OIP5: variants seen among roughly 807,000 people sequenced by gnomAD.
OIP5 encodes protein Mis18-beta.
OIP5 carries 24 observed loss-of-function variants against 20.3 expected under a neutral mutation model. The ratio of observed to expected loss-of-function variants is 1.18; its 90% CI spans 0.86 to 1.66. The LOEUF is 1.66. Among genes scored for constraint, OIP5 ranks in the 40% most tolerant of loss-of-function variants. The probability of loss-of-function intolerance (pLI) is 0.00; values close to 1 mark genes in which losing one functional copy is unlikely to be tolerated. For missense variants in OIP5, 339 were observed against 289.5 expected (o/e 1.17, Z -1.24); for synonymous variants, 143 against 121.3 (o/e 1.18, Z -1.17).
Position 41,332,340 on chromosome 15 carries a change from C to G in OIP5, c.222G>C (p.Arg74Ser), listed in dbSNP as rs1327947684. 3 of 1,612,234 alleles carry G rather than the reference C, an allele frequency of 1.9e-6. No homozygotes were observed. The highest frequency in any genetic ancestry group is 2.5e-6 in the Non-Finnish European group (3 of 1,179,080). ...ACTGTGCGCACTGGAACACAGCGCACCTCTCAGGCTGCAGCCAAGACGGCA... is the reference window on the plus strand; with the variant it reads ...ACTGTGCGCACTGGAACACAGCGCAGCTCTCAGGCTGCAGCCAAGACGGCA... Reference protein sequence around the residue: ...PQLPSWLQPERCAVFQCAQCH... With the variant: ...PQLPSWLQPESCAVFQCAQCH... Residue 74 changes from arginine to serine, a missense_variant, in exon 1 of 5, where the codon AGG becomes AGC. Physicochemically the swap from Arg to Ser is moderately radical, Grantham distance 110. Coordinates refer to ENST00000220514, the MANE Select transcript of OIP5 (RefSeq NM_007280.2).
In OIP5 at chr15:41,311,980, G is replaced by A. The variant is rs1461203619; in HGVS notation, c.594+1293C>T. Among the ~76,000 whole-genome samples, 3 of 139,780 alleles carry A rather than the reference G, an allele frequency of 2.1e-5. 1 individual carries two copies. Among genetic ancestry groups the A allele is most frequent in the Admixed American group, 7.3e-5 (1 of 13,768 alleles). The allele number at this position is 139,780 out of a possible 152,430, so 91.7% of individuals were successfully genotyped here. A position where few individuals can be genotyped will look rare whatever the true frequency, so the allele number is the denominator to read the frequency against. On this transcript the variant is annotated intron_variant, in intron 4 of 4. Transcript: ENST00000220514. ...AGCGATTCTCCTGCCTCAGCCTCCCGAAAAGCTGGGATTATAGGCATGCGC... is the reference window on the plus strand; with the variant it reads ...AGCGATTCTCCTGCCTCAGCCTCCCAAAAAGCTGGGATTATAGGCATGCGC...
intron 2 of OIP5, among the ~76,000 whole-genome samples, chr15:41,324,261 C>T (rs918717194): frequency 1.2e-4 from 19 of 152,136 alleles, no homozygotes; most frequent in African/African-American, 4.1e-4. Flanking sequence ...TCCCAAAGTG[C>T]TGGGATTACA....
At chr15:41,328,596 C>T (rs1035723751) in intron 2 of OIP5, among the ~76,000 whole-genome samples, 1 of 152,102 alleles carries the variant, frequency 6.6e-6, no homozygotes, top group Admixed American at 6.5e-5. Flanking sequence ...AGTAAGAGAA[C>T]AATAAAATGT....
chr15:41,319,931 A>T, intron 2 of OIP5, 151 bp from the exon 3 acceptor site: 1 of 631,690 alleles, frequency 1.6e-6, no homozygotes, highest in Non-Finnish European at 2.6e-6. Context: ...ACATTCAAGA[A>T]AGGGTAACTC....
chr15:41,326,161 C>G (rs2047860657), intron 2 of OIP5, among the ~76,000 whole-genome samples: 2 of 151,820 alleles, frequency 1.3e-5, no homozygotes, highest in South Asian at 4.1e-4. Context: ...GACTCCATCT[C>G]AAAAAAACAA....
intron 2 of OIP5, among the ~76,000 whole-genome samples, chr15:41,324,708 T>TG (rs1323958981): frequency 6.6e-6 from 1 of 152,086 alleles, no homozygotes; most frequent in Non-Finnish European, 1.5e-5. Context: ...AGGCTGGTCT[T>TG]GAATTCCTGA....
rs371343522 is a variant in OIP5 at position 41,332,379 on chromosome 15, G to T, written c.183C>A (p.Ala61=). The T allele has an allele frequency of 2.5e-6, 4 of 1,612,662 alleles. No homozygotes were observed. The highest frequency in any genetic ancestry group is 3.4e-6 in the Non-Finnish European group (4 of 1,179,292). ...GCCAAGACGGCAGCTGCGGGCCGGC[G>T]GCTGGCTCCTCAGCCCCCAGCCCTG... ...GPAGLGAEEP[A]AGPQLPSWLQ... The change falls in exon 1 of 5, where the codon GCC becomes GCA. Residue 61 remains alanine (A), a synonymous_variant. Coordinates refer to ENST00000220514, the MANE Select transcript of OIP5 (RefSeq NM_007280.2).
chr15:41,325,451 T>C (rs982741978), intron 2 of OIP5, among the ~76,000 whole-genome samples: 1 of 151,444 alleles, frequency 6.6e-6, no homozygotes, highest in South Asian at 2.1e-4. Flanking sequence ...ATTACCAACA[T>C]GTGACACAGA....
At chr15:41,319,331 C>T (rs936655206) in intron 3 of OIP5, among the ~76,000 whole-genome samples, 5 of 151,890 alleles carry the variant, frequency 3.3e-5, no homozygotes, top group Non-Finnish European at 5.9e-5. Context: ...TCTCAGCTCA[C>T]TGCAGCCTCT....
rs1367184450 is a variant in OIP5, at chr15:41,329,053, G to A, written c.389+2862C>T. Among the ~76,000 whole-genome samples the A allele has an allele frequency of 1.3e-3, 126 of 98,070 alleles. 1 individual carries two copies. Among genetic ancestry groups the A allele is most frequent in the African/African-American group, 5.1e-3 (125 of 24,490 alleles). 64.3% of individuals were successfully genotyped at this position (98,070 alleles called of 152,430 possible). On this transcript the variant is annotated intron_variant, in intron 2 of 4. Coordinates refer to ENST00000220514, the MANE Select transcript of OIP5 (RefSeq NM_007280.2). The stretch of plus-strand genomic sequence containing the variant: ...TGTGCTCCAGCCTGGGTCAGAGCAA[G>A]ACTCCATCTCAAAAAAAAAAAAAAA...
chr15:41,330,409 ATTTTTT>A (rs766498868), intron 2 of OIP5, among the ~76,000 whole-genome samples: 1 of 128,668 alleles, frequency 7.8e-6, no homozygotes. Flanking sequence ...CGTAATCAGT[ATTTTTT>A]TTTTTTTTTT....
chr15:41,314,490 A>G (rs2047777884), intron 3 of OIP5, among the ~76,000 whole-genome samples: 1 of 151,994 alleles, frequency 6.6e-6, no homozygotes, highest in Non-Finnish European at 1.5e-5. Context: ...ATCATGTGAC[A>G]TAGTTCTGGC....
chr15:41,326,194 C>T (rs1304574505), intron 2 of OIP5, among the ~76,000 whole-genome samples: 1 of 152,054 alleles, frequency 6.6e-6, no homozygotes, highest in South Asian at 2.1e-4. Context: ...GCAGTATCTG[C>T]AAGTGCAGTA....
chr15:41,316,752 T>C (rs932057745), intron 3 of OIP5, among the ~76,000 whole-genome samples: 1 of 128,962 alleles, frequency 7.8e-6, no homozygotes, highest in Non-Finnish European at 1.5e-5. Flanking sequence ...ATCACGTCAC[T>C]GCACTCCAGC....
intron 2 of OIP5, among the ~76,000 whole-genome samples, chr15:41,328,998 G>A (rs879235589): frequency 3.6e-4 from 53 of 147,814 alleles, no homozygotes; most frequent in African/African-American, 1.2e-3. Context: ...CCCGGGAGGC[G>A]GAGGTTGCAG....
At chr15:41,328,766 G>C (rs1452840063) in intron 2 of OIP5, among the ~76,000 whole-genome samples, 1 of 152,026 alleles carries the variant, frequency 6.6e-6, no homozygotes, top group Non-Finnish European at 1.5e-5. Context: ...GCCTCATTAA[G>C]AGTAAAGTTA....
At chr15:41,323,984 GCTTT>G in intron 2 of OIP5, among the ~76,000 whole-genome samples, 1 of 112,626 alleles carries the variant, frequency 8.9e-6, no homozygotes, top group South Asian at 2.7e-4. Context: ...ACCAACCTCT[GCTTT>G]TTTTTTTTTT....
intron 2 of OIP5, among the ~76,000 whole-genome samples, chr15:41,330,549 G>A (rs1054115081): frequency 1.4e-4 from 21 of 151,146 alleles, no homozygotes; most frequent in Admixed American, 3.3e-4. Context: ...GACTACAGGC[G>A]CCCGCCACTA....
At position 41,332,272 on chromosome 15, in the gene OIP5, A is replaced by C. The variant is rs746889190; in HGVS notation, c.290T>G (p.Leu97Arg). Residue 97 changes from leucine to arginine, a missense_variant, in exon 1 of 5, where the codon CTG becomes CGG. Physicochemically the swap from Leu to Arg is moderately radical, Grantham distance 102. Transcript: ENST00000220514. Reference protein sequence around the residue: ...LADSVHLAWDLSRSLGAVVFS... With the variant: ...LADSVHLAWDRSRSLGAVVFS... ...GACCACGGCCCCGAGGGACCGCGAC[A>C]GGTCCCAGGCGAGGTGCACCGAGTC... The C allele has an allele frequency of 4.5e-6, 7 of 1,560,734 alleles. No homozygotes were observed. The highest frequency in any genetic ancestry group is 6.1e-6 in the Non-Finnish European group (7 of 1,154,430).
Sources: gnomAD v4.1 joint callset for allele counts (sites outside exome capture counted in the v4.1 genomes callset) on GRCh38, gnomAD v4.1.1 for gene constraint, MANE v1.5 for transcripts, NCBI Gene and HGNC (gene_info 2026-07-23, HGNC 2026-07-21) for gene names.